The following IKZF2 variants were observed in gnomAD, a reference collection of about 807,000 sequenced individuals.
IKZF2 encodes zinc finger protein Helios.
In IKZF2, 15 loss-of-function variants were observed where a neutral mutation model predicts 49.2. The observed-to-expected ratio is 0.30, with a 90% CI of 0.20 to 0.47. IKZF2 has a LOEUF of 0.47. Among genes scored for constraint, IKZF2 ranks in the 20% least tolerant of loss-of-function variants. The pLI is 1.00. For synonymous variants in IKZF2, 227 were observed against 221.4 expected (o/e 1.03, Z -0.23); for missense variants, 567 against 664.6 (o/e 0.85, Z 1.61).
intron 4 of IKZF2, among the ~76,000 whole-genome samples, chr2:213,111,143 T>C (rs1468699565): frequency 2.0e-5 from 3 of 152,062 alleles, no homozygotes; most frequent in African/African-American, 7.2e-5. Context: ...ATTAATCCTT[T>C]GAAATTGACT....
intron 4 of IKZF2, among the ~76,000 whole-genome samples, chr2:213,124,590 A>G (rs148663957): frequency 6.6e-6 from 1 of 152,372 alleles, no homozygotes; most frequent in African/African-American, 2.4e-5. Context: ...GTACAAGTGG[A>G]TATGTCATGC....
In IKZF2 at chr2:213,150,192, C is replaced by T. The variant is rs1325241665; in HGVS notation, c.-64G>A. ...AAAAGATTCATCACCATTTCCAGCT[C>T]TGTCGGGAGATCTCAGCTTCTTCTA... is the stretch of plus-strand genomic sequence containing the variant. On this transcript the variant is annotated 5_prime_UTR_variant, in exon 2 of 9. Coordinates refer to ENST00000434687, the MANE Select transcript of IKZF2 (RefSeq NM_001387220.1). 1 of 1,303,528 alleles carries T rather than the reference C, an allele frequency of 7.7e-7. No homozygotes were observed. 80.7% of individuals were successfully genotyped at this position (1,303,528 alleles called of 1,614,324 possible). A position where few individuals can be genotyped will look rare whatever the true frequency, so the allele number is the denominator to read the frequency against.
chr2:213,030,264 C>CT (rs925121556), intron 6 of IKZF2, among the ~76,000 whole-genome samples: 9 of 150,176 alleles, frequency 6.0e-5, no homozygotes, highest in Non-Finnish European at 7.4e-5. Flanking sequence ...TCCACACCTA[C>CT]TTTTTTTTTC....
chr2:213,072,658 A>G (rs1702833985), intron 4 of IKZF2, among the ~76,000 whole-genome samples: 1 of 152,130 alleles, frequency 6.6e-6, no homozygotes, highest in African/African-American at 2.4e-5. Flanking sequence ...AGAAAGGACC[A>G]TATTTATTTG....
intron 4 of IKZF2, among the ~76,000 whole-genome samples, chr2:213,057,464 A>G (rs962717343): frequency 9.2e-5 from 14 of 152,174 alleles, no homozygotes; most frequent in African/African-American, 2.2e-4. Context: ...ACAAGATTAA[A>G]TATTGCTTAA....
intron 8 of IKZF2, among the ~76,000 whole-genome samples, chr2:213,012,274 GC>G (rs1696048434): frequency 6.6e-6 from 1 of 151,582 alleles, no homozygotes; most frequent in Non-Finnish European, 1.5e-5. Context: ...TTTCTAAAAA[GC>G]TGTCCCTCTT....
At chr2:213,045,634 A>G (rs1354338812) in intron 6 of IKZF2, among the ~76,000 whole-genome samples, 1 of 152,196 alleles carries the variant, frequency 6.6e-6, no homozygotes, top group African/African-American at 2.4e-5. Flanking sequence ...GATATATGCT[A>G]TAGAATAGGA....
chr2:213,132,077 C>T (rs2060491062), intron 4 of IKZF2, among the ~76,000 whole-genome samples: 1 of 152,146 alleles, frequency 6.6e-6, no homozygotes, highest in Non-Finnish European at 1.5e-5. Context: ...CTCACAACAA[C>T]TCCAAGAGAC....
intron 4 of IKZF2, among the ~76,000 whole-genome samples, chr2:213,097,146 ATAAT>A (rs1370817390): frequency 1.3e-5 from 2 of 151,984 alleles, no homozygotes; most frequent in African/African-American, 4.8e-5. Flanking sequence ...GTTTAATGAG[ATAAT>A]TAATTAGCTT....
At chr2:213,080,270 C>G (rs1703800990) in intron 4 of IKZF2, among the ~76,000 whole-genome samples, 1 of 151,982 alleles carries the variant, frequency 6.6e-6, no homozygotes, top group Non-Finnish European at 1.5e-5. Flanking sequence ...CTTTTGCCCA[C>G]CCATAATTTA....
At chr2:213,049,626 A>G in intron 6 of IKZF2, 87 bp downstream of exon 6, 3 of 1,025,562 alleles carry the variant, frequency 2.9e-6, no homozygotes, top group Non-Finnish European at 4.1e-6. Flanking sequence ...TACCGACTAC[A>G]TAACAAAGCC....
chr2:213,123,420 A>T (rs571218562), intron 4 of IKZF2, among the ~76,000 whole-genome samples: 36 of 152,338 alleles, frequency 2.4e-4, no homozygotes, highest in Middle Eastern at 3.4e-3. Flanking sequence ...CAAAATAGGC[A>T]TAGTTTTTGT....
intron 6 of IKZF2, among the ~76,000 whole-genome samples, chr2:213,038,524 A>G (rs1029750927): frequency 6.6e-6 from 1 of 151,866 alleles, no homozygotes; most frequent in Non-Finnish European, 1.5e-5. Context: ...TATACAAAAC[A>G]TTTTGCATGA....
At chr2:213,120,897 C>G (rs1456051408) in intron 4 of IKZF2, among the ~76,000 whole-genome samples, 1 of 152,090 alleles carries the variant, frequency 6.6e-6, no homozygotes, top group Non-Finnish European at 1.5e-5. Context: ...CGTGCCACAA[C>G]GCCCAGCTAA....
chr2:213,018,406 A>G (rs1696845486), intron 7 of IKZF2, among the ~76,000 whole-genome samples: 1 of 152,088 alleles, frequency 6.6e-6, no homozygotes, highest in Non-Finnish European at 1.5e-5. Flanking sequence ...CAACTTTTCT[A>G]AGACCATTTT....
intron 4 of IKZF2, among the ~76,000 whole-genome samples, chr2:213,057,410 T>C (rs2125388076): frequency 6.6e-6 from 1 of 152,252 alleles, no homozygotes; most frequent in Non-Finnish European, 1.5e-5. Flanking sequence ...GGCTTTTGAG[T>C]CTGTCACTAA....
rs753377565 is a variant in IKZF2 at position 213,007,494 on chromosome 2, G to A, written c.1447C>T (p.His483Tyr). 3 of 1,613,674 alleles carry A rather than the reference G, an allele frequency of 1.9e-6. No homozygotes were observed. The highest frequency in any genetic ancestry group is 4.5e-5 in the East Asian group (2 of 44,856). The change falls in exon 9 of 9, where the codon CAT becomes TAT. Residue 483 changes from histidine to tyrosine, a missense_variant. Physicochemically the swap from His to Tyr is moderately conservative, Grantham distance 83. This residue lies in a region of IKZF2 where 22 missense variants were observed against 52.3 expected (regional missense o/e 0.42). Coordinates refer to ENST00000434687, the MANE Select transcript of IKZF2 (RefSeq NM_001387220.1). ...CEHCRVLFLD[H>Y]VMYTIHMGCH... is the part of the protein sequence containing the mutation. ...CCCATGTGAATGGTGTACATGACATGGTCTAGGAAAAGGACTCGGCAGTGC... is the reference window on the plus strand; with the variant it reads ...CCCATGTGAATGGTGTACATGACATAGTCTAGGAAAAGGACTCGGCAGTGC...
chr2:213,022,332 T>C (rs1013469928), intron 6 of IKZF2, among the ~76,000 whole-genome samples: 3 of 152,212 alleles, frequency 2.0e-5, no homozygotes, highest in African/African-American at 7.2e-5. Context: ...GGATCGTACC[T>C]CTGGCAACAG....
intron 4 of IKZF2, among the ~76,000 whole-genome samples, chr2:213,120,217 G>A (rs775721317): frequency 7.2e-5 from 11 of 152,056 alleles, no homozygotes; most frequent in Non-Finnish European, 1.6e-4. Context: ...ATCTAATATG[G>A]GAGACAAAGA....
Sources: allele counts gnomAD v4.1 joint callset (sites outside exome capture counted in the v4.1 genomes callset), GRCh38; gene constraint gnomAD v4.1.1; regional missense constraint gnomAD v4.1.1; transcripts MANE v1.5; gene names NCBI Gene and HGNC (gene_info 2026-07-23, HGNC 2026-07-21).